Variants in NKAIN3 observed in about 807,000 individuals in gnomAD.
The protein encoded by NKAIN3 is sodium/potassium-transporting ATPase subunit beta-1-interacting protein 3.
Under a neutral mutation model 30.2 loss-of-function variants are expected in NKAIN3, and 25 were observed. That is an observed-to-expected ratio of 0.83 (90% CI 0.60 to 1.16). The LOEUF is 1.16. NKAIN3 is among the 50% of genes most tolerant of loss of function. The pLI is 0.00. For missense variants in NKAIN3, 225 were observed against 254.1 expected (o/e 0.89, Z 0.78); for synonymous variants, 91 against 89.6 (o/e 1.02, Z -0.09).
At chr8:62,770,453 CA>C (rs1380094522) in intron 4 of NKAIN3, among the ~76,000 whole-genome samples, 2 of 152,140 alleles carry the variant, frequency 1.3e-5, no homozygotes, top group African/African-American at 4.8e-5. Flanking sequence ...ATCAAGGTAC[CA>C]GCAGATCCAG....
At chr8:62,802,413 T>C (rs1451888280) in intron 4 of NKAIN3, among the ~76,000 whole-genome samples, 1 of 152,202 alleles carries the variant, frequency 6.6e-6, no homozygotes, top group East Asian at 1.9e-4. Context: ...AGACTAACAG[T>C]GGATCTCTTG....
chr8:62,514,985 A>T (rs922133676), intron 1 of NKAIN3, among the ~76,000 whole-genome samples: 3 of 152,124 alleles, frequency 2.0e-5, no homozygotes, highest in Admixed American at 2.0e-4. Flanking sequence ...CATAATCCTT[A>T]GTTTGGGAAT....
At position 62,764,150 on chromosome 8, in the gene NKAIN3, G is replaced by A. The variant is rs144856143; in HGVS notation, c.471+17021G>A. Among the ~76,000 whole-genome samples the A allele has an allele frequency of 2.8e-3, 420 of 152,348 alleles. 3 individuals are homozygous for A. The highest frequency in any genetic ancestry group is 9.7e-3 in the African/African-American group (405 of 41,578). On this transcript the variant is annotated intron_variant, in intron 4 of 6. Transcript: ENST00000623646. ...TTGGATTTAGATGGTTTTTGATCAA[G>A]AGGAACTTTAAAATGGCAGTGCCTG...
chr8:62,769,145 A>G lies in NKAIN3; in HGVS notation c.471+22016A>G, dbSNP rs150606451. On this transcript the variant is annotated intron_variant, in intron 4 of 6. Coordinates refer to ENST00000623646, the MANE Select transcript of NKAIN3 (RefSeq NM_001304533.3). ...ATCTCTGAAATCCACATTCTAGTCT[A>G]GTGATCAAACAAAAGTTTTTTCTGA... 2.6e-5 allele frequency among the ~76,000 whole-genome samples: 4 copies of G among 152,336 alleles called. No homozygotes were observed. The East Asian group carries it at 7.7e-4, about 29-fold the overall frequency.
rs539338668 is a variant in NKAIN3, at chr8:62,553,446, G to A, written c.55-26093G>A. On this transcript the variant is annotated intron_variant, in intron 1 of 6. Coordinates refer to ENST00000623646, the MANE Select transcript of NKAIN3 (RefSeq NM_001304533.3). ...AAAATAGAAGCTGATCTAGGCCTTG[G>A]ATTATTAAAACCTTGCATCTTACAG... is the stretch of plus-strand genomic sequence containing the variant. Among the ~76,000 whole-genome samples the A allele has an allele frequency of 5.3e-5, 8 of 151,922 alleles. No homozygotes were observed. The South Asian group carries it at 1.7e-3, about 32-fold the overall frequency.
At chr8:62,290,848 G>A (rs74544465) in intron 1 of NKAIN3, among the ~76,000 whole-genome samples, 5 of 152,138 alleles carry the variant, frequency 3.3e-5, no homozygotes, top group African/African-American at 7.2e-5. Flanking sequence ...GTAGAATTCA[G>A]CTGTGAATCC....
At chr8:62,422,495 T>G (rs1421742491) in intron 1 of NKAIN3, among the ~76,000 whole-genome samples, 1 of 152,174 alleles carries the variant, frequency 6.6e-6, no homozygotes. Flanking sequence ...CAGTGAAGTC[T>G]TATCTTTTTA....
At chr8:62,793,742 G>A (rs1306297760) in intron 4 of NKAIN3, among the ~76,000 whole-genome samples, 1 of 152,086 alleles carries the variant, frequency 6.6e-6, no homozygotes, top group Non-Finnish European at 1.5e-5. Flanking sequence ...TGATTCTCGA[G>A]GTCTAAGAAA....
At chr8:62,255,964 C>T (rs535092577) in intron 1 of NKAIN3, among the ~76,000 whole-genome samples, 5 of 151,864 alleles carry the variant, frequency 3.3e-5, no homozygotes, top group South Asian at 2.1e-4. Flanking sequence ...GGTTTGGGAA[C>T]GTTTACTCAA....
chr8:62,783,365 A>T (rs13438854), intron 4 of NKAIN3, among the ~76,000 whole-genome samples: 13,905 of 152,150 alleles, frequency 0.091, 661 homozygotes, highest in African/African-American at 0.1. Flanking sequence ...GAAGATCCTC[A>T]GCAGAATCCA....
intron 1 of NKAIN3, among the ~76,000 whole-genome samples, chr8:62,412,889 G>T (rs1804293891): frequency 7.2e-6 from 1 of 139,684 alleles, no homozygotes; most frequent in African/African-American, 2.7e-5. Flanking sequence ...TGCAGCCTGG[G>T]TGACAGACTG....
chr8:62,793,859 C>A (rs1412323794), intron 4 of NKAIN3, among the ~76,000 whole-genome samples: 1 of 152,150 alleles, frequency 6.6e-6, no homozygotes, highest in Non-Finnish European at 1.5e-5. Context: ...GATATTTCTA[C>A]ATTAATTAAT....
At chr8:62,804,048 C>A (rs2130700313) in intron 4 of NKAIN3, among the ~76,000 whole-genome samples, 1 of 152,302 alleles carries the variant, frequency 6.6e-6, no homozygotes, top group Middle Eastern at 3.4e-3. Flanking sequence ...CATACACCCT[C>A]CCAAGATTAA....
At chr8:62,767,273 A>T (rs1416151235) in intron 4 of NKAIN3, among the ~76,000 whole-genome samples, 1 of 152,174 alleles carries the variant, frequency 6.6e-6, no homozygotes, top group Non-Finnish European at 1.5e-5. Flanking sequence ...GAATAGTCAT[A>T]TGAGATAAAC....
At chr8:62,893,741 G>T (rs1821357265) in intron 4 of NKAIN3, among the ~76,000 whole-genome samples, 1 of 152,150 alleles carries the variant, frequency 6.6e-6, no homozygotes. Context: ...TAAAAATGGA[G>T]GCCAATATCC....
At chr8:62,306,586 T>G (rs1814251920) in intron 1 of NKAIN3, among the ~76,000 whole-genome samples, 1 of 148,828 alleles carries the variant, frequency 6.7e-6, no homozygotes, top group Non-Finnish European at 1.5e-5. Context: ...GTTGTGTGTG[T>G]GTTTAGTTTA....
At chr8:62,902,584 CA>C (rs1821645051) in intron 4 of NKAIN3, among the ~76,000 whole-genome samples, 1 of 152,196 alleles carries the variant, frequency 6.6e-6, no homozygotes, top group African/African-American at 2.4e-5. Context: ...CACATTCTGA[CA>C]AGACAAAAAC....
At chr8:62,402,882 G>A (rs1474400093) in intron 1 of NKAIN3, among the ~76,000 whole-genome samples, 1 of 152,210 alleles carries the variant, frequency 6.6e-6, no homozygotes, top group African/African-American at 2.4e-5. Flanking sequence ...GGTTGGAACA[G>A]TTTGGAGGGC....
chr8:62,618,202 T>G (rs1333197577), intron 3 of NKAIN3, among the ~76,000 whole-genome samples: 2 of 152,208 alleles, frequency 1.3e-5, no homozygotes, highest in Non-Finnish European at 2.9e-5. Flanking sequence ...TCATCTCGTC[T>G]GCAGTTGAGG....
Sources: allele counts gnomAD v4.1 joint callset (sites outside exome capture counted in the v4.1 genomes callset), GRCh38; gene constraint gnomAD v4.1.1; transcripts MANE v1.5; gene names NCBI Gene and HGNC (gene_info 2026-07-23, HGNC 2026-07-21).